The following PDZD2 variants were observed in gnomAD, a reference collection of about 807,000 sequenced individuals.
PDZD2 encodes PDZ domain containing 2, also known as PDZ domain-containing protein 2.
PDZD2 carries 90 observed loss-of-function variants against 220.7 expected under a neutral mutation model. The observed-to-expected ratio is 0.41, with a 90% CI of 0.34 to 0.49. The LOEUF is 0.49. Among genes scored for constraint, PDZD2 ranks in the 20% least tolerant of loss-of-function variants. PDZD2 has a pLI of 0.28. For missense variants in PDZD2, 3,174 were observed against 3,608.5 expected, an observed-to-expected ratio of 0.88 and a Z score of 3.08; for synonymous variants, 1,375 against 1,450.5, an observed-to-expected ratio of 0.95 and a Z score of 1.18.
intron 2 of PDZD2, among the ~76,000 whole-genome samples, chr5:31,800,432 T>C (rs1301779958): frequency 2.6e-5 from 4 of 152,150 alleles, no homozygotes; most frequent in South Asian, 4.1e-4. Flanking sequence ...GGGTGGGTCA[T>C]GTAAACATGG....
intron 1 of PDZD2, among the ~76,000 whole-genome samples, chr5:31,663,540 C>T (rs1201521992): frequency 6.6e-6 from 1 of 152,102 alleles, no homozygotes; most frequent in African/African-American, 2.4e-5. Context: ...AGAAGCGTGC[C>T]TTCTCTGTGC....
At chr5:32,052,336 G>A (rs1439992824) in intron 8 of PDZD2, among the ~76,000 whole-genome samples, 1 of 152,160 alleles carries the variant, frequency 6.6e-6, no homozygotes, top group Non-Finnish European at 1.5e-5. Flanking sequence ...ATTAGAGCCG[G>A]GGTTTCACCA....
At chr5:32,020,547 C>T (rs1314136819) in intron 6 of PDZD2, among the ~76,000 whole-genome samples, 1 of 152,136 alleles carries the variant, frequency 6.6e-6, no homozygotes, top group Non-Finnish European at 1.5e-5. Context: ...AATGTTGCTG[C>T]ACTGTCAGAA....
chr5:31,822,507 T>G lies in PDZD2; in HGVS notation c.476+22783T>G, dbSNP rs1394840988. ...GCATCATTTAAATATCACATATAGG[T>G]CTTAGGAAGCATCCGGCATCTTGTT... On this transcript the variant is annotated intron_variant, in intron 2 of 24. Coordinates refer to ENST00000438447, the MANE Select transcript of PDZD2 (RefSeq NM_178140.4). 3 of 546,302 alleles carry G rather than the reference T, an allele frequency of 5.5e-6. No individual in the cohort carries two copies. The East Asian group carries it at 1.4e-4, about 26-fold the overall frequency. 33.8% of individuals were successfully genotyped at this position (546,302 alleles called of 1,614,324 possible).
At chr5:31,784,146 C>T (rs1753237481) in intron 1 of PDZD2, among the ~76,000 whole-genome samples, 3 of 152,124 alleles carry the variant, frequency 2.0e-5, no homozygotes, top group Admixed American at 2.0e-4. Context: ...AGTTCTGTCC[C>T]TCCCGTCCTC....
At chr5:31,880,213 G>A (rs936093458) in intron 2 of PDZD2, among the ~76,000 whole-genome samples, 1 of 152,128 alleles carries the variant, frequency 6.6e-6, no homozygotes, top group Non-Finnish European at 1.5e-5. Flanking sequence ...GTGAGCCACT[G>A]CACCCGGCCA....
At chr5:32,097,064 A>G (rs528237437) in intron 21 of PDZD2, among the ~76,000 whole-genome samples, 2 of 151,716 alleles carry the variant, frequency 1.3e-5, no homozygotes, top group South Asian at 2.1e-4. Flanking sequence ...TGGGCTCAAG[A>G]GATCCGCCCC....
At chr5:31,939,975 A>G (rs1235823275) in intron 2 of PDZD2, among the ~76,000 whole-genome samples, 1 of 152,246 alleles carries the variant, frequency 6.6e-6, no homozygotes, top group East Asian at 1.9e-4. Context: ...ATAAAAGGGA[A>G]TCAATAATTT....
In PDZD2 at chr5:32,089,922, G is replaced by A. The variant is rs141573776; in HGVS notation, c.6474G>A (p.Met2158Ile). 1.4e-3 allele frequency: 2,253 copies of A among 1,611,868 alleles called. 3 individuals are homozygous for A. The highest frequency in any genetic ancestry group is 1.7e-3 in the Non-Finnish European group (2,056 of 1,178,784). The change falls in exon 20 of 25, where the codon ATG becomes ATA. Residue 2158 changes from methionine to isoleucine, a missense_variant. Coordinates refer to ENST00000438447, the MANE Select transcript of PDZD2 (RefSeq NM_178140.4). ...PSHASQAEQE[M>I]SRSFSMAKLA... The stretch of plus-strand genomic sequence containing the variant: ...ATGCCTCCCAGGCAGAGCAGGAAAT[G>A]TCACGATCATTCAGCATGGCAAAAC...
intron 7 of PDZD2, among the ~76,000 whole-genome samples, chr5:32,046,328 A>G (rs1353708983): frequency 6.6e-6 from 1 of 152,126 alleles, no homozygotes; most frequent in Non-Finnish European, 1.5e-5. Context: ...CTGCAACCTC[A>G]GCCTCCTGGG....
At chr5:31,856,037 G>A (rs62360856) in intron 2 of PDZD2, among the ~76,000 whole-genome samples, 6,289 of 152,238 alleles carry the variant, frequency 0.041, 150 homozygotes, top group Non-Finnish European at 0.053. Flanking sequence ...GCTGAGTTTG[G>A]TATCATAAGG....
At chr5:31,891,767 A>G (rs1240225097) in intron 2 of PDZD2, among the ~76,000 whole-genome samples, 1 of 152,310 alleles carries the variant, frequency 6.6e-6, no homozygotes, top group South Asian at 2.1e-4. Context: ...CATTTTAGCC[A>G]TTGCCAGCCT....
At chr5:31,640,934 T>C (rs919812394) in intron 1 of PDZD2, among the ~76,000 whole-genome samples, 6 of 152,072 alleles carry the variant, frequency 3.9e-5, no homozygotes, top group African/African-American at 9.7e-5. Flanking sequence ...GTAAAGTATA[T>C]AAATGTACCT....
intron 1 of PDZD2, among the ~76,000 whole-genome samples, chr5:31,674,322 C>T (rs115551796): frequency 0.013 from 1,945 of 152,266 alleles, 48 homozygotes; most frequent in African/African-American, 0.044. Context: ...AAGCTAATTA[C>T]TCACTTTAAA....
Position 32,089,951 on chromosome 5 carries a change from C to T in PDZD2, c.6503C>T (p.Ala2168Val), listed in dbSNP as rs987793122. The change falls in exon 20 of 25, where the codon GCG becomes GTG. Residue 2168 changes from alanine (A) to valine (V), a missense_variant. Ala to Val is a moderately conservative substitution (Grantham distance 64, BLOSUM62 0). Transcript: ENST00000438447. ...MSRSFSMAKL[A>V]SSSSSLQTAI... ...CGATCATTCAGCATGGCAAAACTGG[C>T]GTCCTCCTCCTCCTCCCTTCAAACA... The T allele has an allele frequency of 3.1e-6, 5 of 1,606,686 alleles. No individual in the cohort carries two copies. The highest frequency in any genetic ancestry group is 1.3e-5 in the African/African-American group (1 of 74,840).
chr5:32,072,786 C>T (rs998794758), intron 17 of PDZD2, among the ~76,000 whole-genome samples: 2 of 152,162 alleles, frequency 1.3e-5, no homozygotes, highest in African/African-American at 2.4e-5. Flanking sequence ...GCTGGATACA[C>T]ATTCTATAGT....
At chr5:32,105,759 A>G (rs1390950821) in intron 24 of PDZD2, among the ~76,000 whole-genome samples, 1 of 152,270 alleles carries the variant, frequency 6.6e-6, no homozygotes, top group African/African-American at 2.4e-5. Context: ...CTAAAGGACA[A>G]TTTTAAAAAA....
chr5:31,884,673 CCATCT>C (rs1238174418), intron 2 of PDZD2, among the ~76,000 whole-genome samples: 2 of 152,134 alleles, frequency 1.3e-5, no homozygotes, highest in Non-Finnish European at 2.9e-5. Flanking sequence ...ACTGCAACCT[CCATCT>C]CCCAGGTTTA....
At chr5:31,691,419 G>C (rs72755404) in intron 1 of PDZD2, among the ~76,000 whole-genome samples, 20,912 of 151,124 alleles carry the variant, frequency 0.14, 2,058 homozygotes, top group East Asian at 0.24. Flanking sequence ...GTGGAAGGGG[G>C]CCCGAACAGG....
Sources: gnomAD v4.1 joint callset for allele counts (sites outside exome capture counted in the v4.1 genomes callset) on GRCh38, gnomAD v4.1.1 for gene constraint, MANE v1.5 for transcripts, NCBI Gene and HGNC (gene_info 2026-07-23, HGNC 2026-07-21) for gene names.